Variants in ALG13 observed in about 807,000 individuals in gnomAD.
The protein encoded by ALG13 is UDP-N-acetylglucosamine transferase subunit ALG13.
ALG13 carries 11 observed loss-of-function variants against 87.8 expected under a neutral mutation model. The observed-to-expected ratio is 0.13, with a 90% CI of 0.08 to 0.21. The LOEUF (loss-of-function observed/expected upper bound fraction) is 0.21, where lower values mean the gene tolerates loss of function less well. Among genes scored for constraint, ALG13 ranks in the 10% least tolerant of loss-of-function variants. The pLI is 1.00. For missense variants in ALG13, 756 were observed against 866.1 expected, an observed-to-expected ratio of 0.87 and a Z score of 1.60; for synonymous variants, 320 against 306.3, an observed-to-expected ratio of 1.04 and a Z score of -0.47.
At chrX:111,694,676 C>T (rs1381217314) in intron 3 of ALG13, among the ~76,000 whole-genome samples, 8 of 111,975 alleles carry the variant, frequency 7.1e-5, no homozygotes, top group East Asian at 2.8e-4. Flanking sequence ...GTCTATGAGA[C>T]GCATATAGTA....
chrX:111,750,115 T>A (rs1017911923), intron 24 of ALG13, among the ~76,000 whole-genome samples: 1 of 111,872 alleles, frequency 8.9e-6, no homozygotes, highest in Non-Finnish European at 1.9e-5. Context: ...ATGTAGCAGG[T>A]TTTTTTCTCC....
At chrX:111,720,456 T>C (rs1348036428) in intron 11 of ALG13, among the ~76,000 whole-genome samples, 2 of 112,220 alleles carry the variant, frequency 1.8e-5, no homozygotes, top group Non-Finnish European at 3.8e-5. Context: ...ATATTTAGTT[T>C]GTAATCAGTC....
At chrX:111,689,245 A>G in intron 3 of ALG13, 1 of 749,874 alleles carries the variant, frequency 1.3e-6, no homozygotes. Flanking sequence ...ATAATTGTAT[A>G]TCAATGTTAT....
At chrX:111,718,043 A>G in intron 9 of ALG13, 69 bp from the exon 10 acceptor site, 1 of 1,098,015 alleles carries the variant, frequency 9.1e-7, no homozygotes, top group Non-Finnish European at 1.2e-6. Flanking sequence ...ACGCAGGATT[A>G]TGACTATTTT....
intron 22 of ALG13, among the ~76,000 whole-genome samples, chrX:111,735,347 A>G (rs187462199): frequency 6.2e-4 from 69 of 112,186 alleles, no homozygotes; most frequent in Middle Eastern, 9.2e-3. Context: ...TAGATTACTC[A>G]TAGTCTCCTG....
chrX:111,719,025 C>CTTTTTTTTTT, intron 10 of ALG13, among the ~76,000 whole-genome samples: 1 of 82,413 alleles, frequency 1.2e-5, no homozygotes, highest in Non-Finnish European at 2.2e-5. Context: ...AATTTTTTTT[C>CTTTTTTTTTT]TTTTTTTTTT....
At chrX:111,719,016 A>G (rs903397469) in intron 10 of ALG13, among the ~76,000 whole-genome samples, 1 of 96,294 alleles carries the variant, frequency 1.0e-5, no homozygotes, top group East Asian at 3.2e-4. Flanking sequence ...AAAGCTTACA[A>G]TTTTTTTTCT....
At chrX:111,751,066 CTTT>C (rs58149728) in intron 24 of ALG13, among the ~76,000 whole-genome samples, 3 of 74,501 alleles carry the variant, frequency 4.0e-5, no homozygotes, top group African/African-American at 1.4e-4. Context: ...ATAAGCATAA[CTTT>C]TTTTTTTTTT....
At position 111,757,493 on chromosome X, in the gene ALG13, A is replaced by AT. The variant is rs75519151; in HGVS notation, c.2974-79dup. Reference sequence around the variant, plus strand: ...ACCTGAAAATCGTGGCCCAATTCTTATTTTTTTTTTTTTTTTGTCTGTGGG... The same window carrying AT: ...ACCTGAAAATCGTGGCCCAATTCTTATTTTTTTTTTTTTTTTTGTCTGTGGG... On this transcript the variant is annotated intron_variant, in intron 25 of 26. Transcript: ENST00000394780. 22,004 of 523,738 alleles carry AT rather than the reference A, an allele frequency of 0.042. 59 individuals are homozygous for AT. Among genetic ancestry groups the AT allele is most frequent in the Non-Finnish European group, 0.049 (18,283 of 373,726 alleles). 43.2% of individuals were successfully genotyped at this position (523,738 alleles called of 1,213,427 possible). A position where few individuals can be genotyped will look rare whatever the true frequency, so the allele number is the denominator to read the frequency against.
At chrX:111,744,295 T>G (rs1944021367) in intron 23 of ALG13, among the ~76,000 whole-genome samples, 2 of 111,751 alleles carry the variant, frequency 1.8e-5, no homozygotes, top group African/African-American at 3.3e-5. Flanking sequence ...TGACTGAGAG[T>G]GACAGATTGC....
intron 26 of ALG13, 74 bp from the exon 27 acceptor site, chrX:111,759,660 C>A: frequency 1.2e-6 from 1 of 867,320 alleles, no homozygotes; most frequent in Non-Finnish European, 1.6e-6. Flanking sequence ...TAAGAACATC[C>A]ATTTATGTTG....
chrX:111,702,554 A>G (rs1439455038), intron 3 of ALG13, among the ~76,000 whole-genome samples: 1 of 111,594 alleles, frequency 9.0e-6, no homozygotes, highest in Non-Finnish European at 1.9e-5. Context: ...ATTATATTCA[A>G]ACACATCGGG....
intron 6 of ALG13, among the ~76,000 whole-genome samples, chrX:111,712,003 C>T (rs996257010): frequency 9.0e-6 from 1 of 111,600 alleles, no homozygotes; most frequent in African/African-American, 3.3e-5. Flanking sequence ...TTCACTTTAA[C>T]GGGGGAGGAG....
chrX:111,732,596 G>C (rs1025970326), intron 21 of ALG13, among the ~76,000 whole-genome samples: 4 of 111,949 alleles, frequency 3.6e-5, no homozygotes, highest in African/African-American at 1.3e-4. Context: ...ACTTTGGATG[G>C]AGCTGGGAAG....
At chrX:111,743,548 T>C (rs1193466701) in intron 23 of ALG13, among the ~76,000 whole-genome samples, 1 of 111,968 alleles carries the variant, frequency 8.9e-6, no homozygotes, top group African/African-American at 3.2e-5. Context: ...AACAGTTGTT[T>C]ATCAAGTTTT....
intron 25 of ALG13, among the ~76,000 whole-genome samples, chrX:111,756,248 T>C (rs1195836130): frequency 1.2e-4 from 13 of 110,497 alleles, no homozygotes; most frequent in Admixed American, 3.8e-4. Flanking sequence ...ACATCACACA[T>C]TGGGGCCTGT....
rs748326545 is a variant in ALG13 at position 111,708,060 on chromosome X, T to C, written c.417T>C (p.Ile139=). 4.1e-5 allele frequency: 49 copies of C among 1,208,762 alleles called. No individual in the cohort carries two copies. Among genetic ancestry groups the C allele is most frequent in the Non-Finnish European group, 4.8e-5 (43 of 894,623 alleles). Residue 139 remains isoleucine, a synonymous_variant, in exon 4 of 27, where the codon ATT becomes ATC. Coordinates refer to ENST00000394780, the MANE Select transcript of ALG13 (RefSeq NM_001099922.3). ...CTTGTCCTGGGCAAGCCAAGTCCATTGCTTCTGCTCCTGGGAAGTGCCAAG... is the reference window on the plus strand; with the variant it reads ...CTTGTCCTGGGCAAGCCAAGTCCATCGCTTCTGCTCCTGGGAAGTGCCAAG... The part of the protein sequence containing the change: ...VLTCPGQAKS[I]ASAPGKCQDS...
chrX:111,730,486 A>G (rs1942561965), intron 20 of ALG13, 39 bp from the exon 21 acceptor site: 1 of 1,197,178 alleles, frequency 8.4e-7, no homozygotes, highest in Non-Finnish European at 1.1e-6. Context: ...TTCAAGCTAT[A>G]AAATAATGCT....
chrX:111,688,546 G>T, intron 3 of ALG13: 1 of 744,063 alleles, frequency 1.3e-6, no homozygotes, highest in Non-Finnish European at 1.6e-6. Flanking sequence ...CTAAAGAACA[G>T]AGTGGAGTGG....
Sources: gnomAD v4.1 joint callset for allele counts (sites outside exome capture counted in the v4.1 genomes callset) on GRCh38, gnomAD v4.1.1 for gene constraint, MANE v1.5 for transcripts, NCBI Gene and HGNC (gene_info 2026-07-23, HGNC 2026-07-21) for gene names.